SNX1: variants seen among roughly 807,000 people sequenced by gnomAD.
SNX1 encodes the protein sorting nexin 1.
Under a neutral mutation model 71.8 loss-of-function variants are expected in SNX1, and 36 were observed. That is an observed-to-expected ratio of 0.50 (90% CI 0.38 to 0.66). The LOEUF (loss-of-function observed/expected upper bound fraction) is 0.66, where lower values mean the gene tolerates loss of function less well. SNX1 is among the 30% of genes least tolerant of loss of function. The pLI, the probability that SNX1 is intolerant of heterozygous loss-of-function variation, is 0.00. For missense variants in SNX1, 612 were observed against 646.7 expected, an observed-to-expected ratio of 0.95 and a Z score of 0.58; for synonymous variants, 254 against 240.7, an observed-to-expected ratio of 1.06 and a Z score of -0.51.
rs1000551114 is a variant in SNX1 at position 64,096,816 on chromosome 15, C to A, written c.159+644C>A. On this transcript the variant is annotated intron_variant, in intron 1 of 14. Coordinates refer to ENST00000559844, the MANE Select transcript of SNX1 (RefSeq NM_003099.5). Reference sequence around the variant, plus strand: ...GATGTGTTCAAGTGCCCACGTACCTCACTGGGAGCAAATCTGAAATGTGAT... The same window carrying A: ...GATGTGTTCAAGTGCCCACGTACCTAACTGGGAGCAAATCTGAAATGTGAT... Among the ~76,000 whole-genome samples, 4 of 152,364 alleles carry A rather than the reference C, an allele frequency of 2.6e-5. No individual in the cohort carries two copies. In the East Asian group the frequency reaches 7.7e-4, roughly 29 times the overall value.
At chr15:64,120,855 T>G (rs763455080) in intron 4 of SNX1, among the ~76,000 whole-genome samples, 1 of 151,544 alleles carries the variant, frequency 6.6e-6, no homozygotes, top group Non-Finnish European at 1.5e-5. Context: ...AGAAAAAAAA[T>G]TTTTTTTTAA....
chr15:64,104,000 C>T (rs2080991379), intron 1 of SNX1, among the ~76,000 whole-genome samples: 1 of 152,168 alleles, frequency 6.6e-6, no homozygotes, highest in African/African-American at 2.4e-5. Context: ...TAACATACAT[C>T]AAGTGGTCAC....
At chr15:64,115,047 T>C (rs2081114660) in intron 2 of SNX1, among the ~76,000 whole-genome samples, 1 of 152,232 alleles carries the variant, frequency 6.6e-6, no homozygotes, top group Non-Finnish European at 1.5e-5. Flanking sequence ...TTTGGTTATA[T>C]GGCAGATTGA....
chr15:64,125,082 C>T (rs1437162832), intron 5 of SNX1, among the ~76,000 whole-genome samples: 1 of 152,194 alleles, frequency 6.6e-6, no homozygotes, highest in Non-Finnish European at 1.5e-5. Flanking sequence ...AATTCCCACC[C>T]TGCTCATCAC....
intron 2 of SNX1, among the ~76,000 whole-genome samples, chr15:64,117,183 T>C (rs1348745579): frequency 6.6e-6 from 1 of 152,242 alleles, no homozygotes; most frequent in Non-Finnish European, 1.5e-5. Flanking sequence ...ACGTCATTTT[T>C]TTCCTGTCAG....
rs186278649 is a variant in SNX1, at chr15:64,143,702, C to A, written c.*6084C>A. The A allele has an allele frequency of 6.6e-6, 1 of 152,338 alleles. No homozygotes were observed. The highest frequency in any genetic ancestry group is 1.5e-5 in the Non-Finnish European group (1 of 68,036). 9.4% of individuals were successfully genotyped at this position (152,338 alleles called of 1,614,324 possible). On this transcript the variant is annotated 3_prime_UTR_variant, in exon 15 of 15. Transcript: ENST00000559844. Reference sequence around the variant, plus strand: ...CCCCATCTTCATTCTCAGAATTACACCTGTCTGAAGCAGGCATTTTCCAAT... The same window carrying A: ...CCCCATCTTCATTCTCAGAATTACAACTGTCTGAAGCAGGCATTTTCCAAT...
rs1001445259 is a variant in SNX1 at position 64,131,006 on chromosome 15, C to G, written c.1016-681C>G. The stretch of plus-strand genomic sequence containing the variant: ...AAAATCTAAAAAATTTATTATTAGC[C>G]GGTCGCGGTGGCTCACGCCTGTAAT... On this transcript the variant is annotated intron_variant, in intron 10 of 14. Coordinates refer to ENST00000559844, the MANE Select transcript of SNX1 (RefSeq NM_003099.5). 2.0e-5 allele frequency among the ~76,000 whole-genome samples: 3 copies of G among 152,264 alleles called. No homozygotes were observed. In the South Asian group the frequency reaches 6.2e-4, roughly 32 times the overall value.
intron 11 of SNX1, among the ~76,000 whole-genome samples, chr15:64,133,590 C>T (rs1415228184): frequency 6.6e-6 from 1 of 152,146 alleles, no homozygotes; most frequent in Non-Finnish European, 1.5e-5. Flanking sequence ...ATTATCTGGG[C>T]GTGGTGGTGT....
intron 5 of SNX1, among the ~76,000 whole-genome samples, chr15:64,123,975 T>C (rs1294361063): frequency 2.6e-5 from 4 of 151,792 alleles, no homozygotes; most frequent in Non-Finnish European, 1.5e-5. Flanking sequence ...ATGTATACAA[T>C]GTTGTATACA....
chr15:64,114,869 C>T (rs997948155), intron 2 of SNX1, among the ~76,000 whole-genome samples: 3 of 152,122 alleles, frequency 2.0e-5, no homozygotes, highest in Admixed American at 6.5e-5. Context: ...AGGCCAGGCA[C>T]GGTGGCTCAG....
intron 1 of SNX1, among the ~76,000 whole-genome samples, chr15:64,103,791 A>G (rs2080989291): frequency 6.6e-6 from 1 of 152,234 alleles, no homozygotes; most frequent in Non-Finnish European, 1.5e-5. Flanking sequence ...ACACATCCTC[A>G]TTAAGTTTCT....
At position 64,138,311 on chromosome 15, in the gene SNX1, G is replaced by A. The variant is rs1168471682; in HGVS notation, c.*693G>A. The stretch of plus-strand genomic sequence containing the variant: ...CCTATTCTCCTGCAAAGGAGGCAGA[G>A]ACTTTCTCTCTCTCTTTTTTTTTTT... On this transcript the variant is annotated 3_prime_UTR_variant, in exon 15 of 15. Transcript: ENST00000559844. The A allele has an allele frequency of 2.3e-6, 2 of 868,860 alleles. No individual in the cohort carries two copies. Among genetic ancestry groups the A allele is most frequent in the Non-Finnish European group, 3.2e-6 (2 of 622,310 alleles). 53.8% of individuals were successfully genotyped at this position (868,860 alleles called of 1,614,324 possible).
intron 4 of SNX1, among the ~76,000 whole-genome samples, chr15:64,123,038 A>G (rs1246546246): frequency 1.3e-5 from 2 of 152,172 alleles, no homozygotes; most frequent in African/African-American, 4.8e-5. Context: ...CTGAAAGAGC[A>G]AATCGAGCCC....
At chr15:64,119,860 G>A (rs2081177039) in intron 4 of SNX1, among the ~76,000 whole-genome samples, 1 of 152,128 alleles carries the variant, frequency 6.6e-6, no homozygotes, top group Non-Finnish European at 1.5e-5. Context: ...AAAATTGAGG[G>A]ACACTGAACT....
intron 1 of SNX1, among the ~76,000 whole-genome samples, chr15:64,109,441 G>A (rs1174077239): frequency 1.3e-5 from 2 of 152,220 alleles, no homozygotes; most frequent in African/African-American, 4.8e-5. Flanking sequence ...AGATTCAAAT[G>A]ACCAGCAAAT....
At chr15:64,113,366 G>A (rs560957615) in intron 2 of SNX1, among the ~76,000 whole-genome samples, 1 of 152,268 alleles carries the variant, frequency 6.6e-6, no homozygotes, top group East Asian at 1.9e-4. Context: ...GAAATGGTTG[G>A]AGACATTTTT....
At chr15:64,118,013 A>G (rs1195835177) in intron 2 of SNX1, 104 bp from the exon 3 acceptor site, 20 of 1,087,314 alleles carry the variant, frequency 1.8e-5, no homozygotes, top group Non-Finnish European at 2.5e-5. Flanking sequence ...GCCTCTATGT[A>G]TTGAGAGTGC....
At chr15:64,125,719 C>T (rs951896165) in intron 5 of SNX1, among the ~76,000 whole-genome samples, 11 of 152,154 alleles carry the variant, frequency 7.2e-5, no homozygotes, top group African/African-American at 2.4e-4. Flanking sequence ...TAGAACTGAA[C>T]ATTTCTTTCT....
intron 7 of SNX1, 93 bp downstream of exon 7, chr15:64,127,345 A>G: frequency 2.1e-6 from 2 of 969,856 alleles, no homozygotes; most frequent in Non-Finnish European, 3.1e-6. Flanking sequence ...ATTGAGTTAG[A>G]GATGAAACGT....
Sources: allele counts gnomAD v4.1 joint callset (sites outside exome capture counted in the v4.1 genomes callset), GRCh38; gene constraint gnomAD v4.1.1; transcripts MANE v1.5; gene names NCBI Gene and HGNC (gene_info 2026-07-23, HGNC 2026-07-21).